MBOAT1: variants seen among roughly 807,000 people sequenced by gnomAD.
MBOAT1 encodes membrane-bound glycerophospholipid O-acyltransferase 1.
Under a neutral mutation model 64.4 loss-of-function variants are expected in MBOAT1, and 67 were observed. That is an observed-to-expected ratio of 1.04 (90% CI 0.85 to 1.27). The LOEUF (loss-of-function observed/expected upper bound fraction) is 1.27, where lower values mean the gene tolerates loss of function less well. Ranked by LOEUF, MBOAT1 falls within the 50% of genes most tolerant of loss-of-function variation. The pLI is 0.00. For synonymous variants in MBOAT1, 229 were observed against 218.9 expected, an observed-to-expected ratio of 1.05 and a Z score of -0.41; for missense variants, 563 against 604.6, an observed-to-expected ratio of 0.93 and a Z score of 0.72.
intron 12 of MBOAT1, among the ~76,000 whole-genome samples, chr6:20,107,876 T>C (rs1760007293): frequency 6.6e-6 from 1 of 151,584 alleles, no homozygotes; most frequent in African/African-American, 2.4e-5. Flanking sequence ...AAGGAGACAA[T>C]TTGGACAGCC....
intron 1 of MBOAT1, among the ~76,000 whole-genome samples, chr6:20,211,713 A>G (rs1448249733): frequency 6.6e-6 from 1 of 152,116 alleles, no homozygotes; most frequent in African/African-American, 2.4e-5. Flanking sequence ...TTCAAAATCT[A>G]TAGACTACCG....
At chr6:20,179,453 T>C (rs543035263) in intron 1 of MBOAT1, among the ~76,000 whole-genome samples, 1 of 152,334 alleles carries the variant, frequency 6.6e-6, no homozygotes, top group South Asian at 2.1e-4. Context: ...TAATGGTTTG[T>C]AGCTCCATCC....
At chr6:20,202,721 C>T (rs1581468203) in intron 1 of MBOAT1, among the ~76,000 whole-genome samples, 1 of 151,892 alleles carries the variant, frequency 6.6e-6, no homozygotes, top group African/African-American at 2.4e-5. Context: ...TAATAAAGCA[C>T]ATTTTTAACC....
At chr6:20,187,936 G>A (rs537521592) in intron 1 of MBOAT1, among the ~76,000 whole-genome samples, 3 of 152,290 alleles carry the variant, frequency 2.0e-5, no homozygotes, top group Non-Finnish European at 2.9e-5. Flanking sequence ...AGGCTGCAGT[G>A]AGCCAAGATT....
chr6:20,142,102 G>A (rs1197495209), intron 4 of MBOAT1, among the ~76,000 whole-genome samples: 1 of 152,056 alleles, frequency 6.6e-6, no homozygotes, highest in African/African-American at 2.4e-5. Flanking sequence ...ATATATACAG[G>A]CAATAGGTAT....
chr6:20,210,407 T>C (rs565149001), intron 1 of MBOAT1, among the ~76,000 whole-genome samples: 1 of 152,306 alleles, frequency 6.6e-6, no homozygotes, highest in East Asian at 1.9e-4. Flanking sequence ...TTGGGGATTT[T>C]CCTTGGGCCT....
intron 1 of MBOAT1, among the ~76,000 whole-genome samples, chr6:20,202,614 T>G (rs1440925817): frequency 6.6e-6 from 1 of 152,186 alleles, no homozygotes; most frequent in East Asian, 1.9e-4. Context: ...GGCTTTTTTT[T>G]TTTTTGGATA....
At chr6:20,114,883 C>CAAA (rs34238970) in intron 10 of MBOAT1, among the ~76,000 whole-genome samples, 6 of 116,174 alleles carry the variant, frequency 5.2e-5, no homozygotes, top group African/African-American at 1.8e-4. Flanking sequence ...AACTCCTTCT[C>CAAA]AAAAAAAAAA....
At chr6:20,168,638 GA>G (rs1292806025) in intron 1 of MBOAT1, among the ~76,000 whole-genome samples, 1,599 of 124,830 alleles carry the variant, frequency 0.013, 74 homozygotes, top group African/African-American at 0.046. Context: ...GAAGAGAAGA[GA>G]AGAGAGGAGA....
chr6:20,172,749 A>G (rs966235920), intron 1 of MBOAT1, among the ~76,000 whole-genome samples: 2 of 152,244 alleles, frequency 1.3e-5, no homozygotes, highest in African/African-American at 4.8e-5. Context: ...GACCATCAAT[A>G]GCATATTTAA....
At chr6:20,127,295 G>A (rs1032549206) in intron 6 of MBOAT1, among the ~76,000 whole-genome samples, 1 of 152,154 alleles carries the variant, frequency 6.6e-6, no homozygotes, top group Non-Finnish European at 1.5e-5. Context: ...TGCTTTAATG[G>A]CATTTTGGAA....
intron 11 of MBOAT1, among the ~76,000 whole-genome samples, chr6:20,112,669 T>C (rs1215197971): frequency 6.6e-6 from 1 of 152,214 alleles, no homozygotes; most frequent in African/African-American, 2.4e-5. Flanking sequence ...GAACATACAA[T>C]GGTTAACCAT....
intron 5 of MBOAT1, among the ~76,000 whole-genome samples, chr6:20,129,001 T>G (rs1760739832): frequency 6.6e-6 from 1 of 152,156 alleles, no homozygotes; most frequent in African/African-American, 2.4e-5. Context: ...TTCTCCTACT[T>G]AAACTGTACA....
At chr6:20,123,423 A>G (rs1760551321) in intron 8 of MBOAT1, among the ~76,000 whole-genome samples, 2 of 152,194 alleles carry the variant, frequency 1.3e-5, no homozygotes, top group African/African-American at 4.8e-5. Flanking sequence ...TCCGTACTTT[A>G]TCAACACCCT....
At position 20,102,413 on chromosome 6, in the gene MBOAT1, C is replaced by G; in HGVS notation, c.1362-1G>C. 1 of 1,596,054 alleles carries G rather than the reference C, an allele frequency of 6.3e-7. No homozygotes were observed. The highest frequency in any genetic ancestry group is 8.5e-7 in the Non-Finnish European group (1 of 1,169,920). On this transcript the variant is annotated splice_acceptor_variant, in intron 12 of 12. Transcript: ENST00000324607. LOFTEE classifies it high-confidence loss of function. ...GATGTGCAAATAAAAGTACATGGAC[C>G]TGGGAATAAAAATATACAAAAATTA... is the stretch of plus-strand genomic sequence containing the variant.
intron 1 of MBOAT1, among the ~76,000 whole-genome samples, chr6:20,186,344 G>T (rs1256740067): frequency 1.3e-5 from 2 of 152,228 alleles, no homozygotes; most frequent in Non-Finnish European, 2.9e-5. Context: ...CTCCAACAAT[G>T]CTTCTGGCAT....
intron 8 of MBOAT1, among the ~76,000 whole-genome samples, chr6:20,120,895 C>G (rs1475682687): frequency 6.6e-6 from 1 of 152,174 alleles, no homozygotes; most frequent in Non-Finnish European, 1.5e-5. Flanking sequence ...AGAGCAGTAA[C>G]AGGCTCTAAG....
intron 1 of MBOAT1, among the ~76,000 whole-genome samples, chr6:20,171,382 TAAAAA>T (rs34821586): frequency 1.1e-4 from 12 of 113,302 alleles, no homozygotes; most frequent in Middle Eastern, 4.3e-3. Flanking sequence ...ACAAAAAACT[TAAAAA>T]AAAAAAAAAA....
chr6:20,122,856 G>C (rs1238313639), intron 8 of MBOAT1, among the ~76,000 whole-genome samples: 1 of 151,906 alleles, frequency 6.6e-6, no homozygotes, highest in South Asian at 2.1e-4. Context: ...TTTTGAGGCA[G>C]AGTCTTGCTC....
Sources: gnomAD v4.1 joint callset for allele counts (sites outside exome capture counted in the v4.1 genomes callset) on GRCh38, gnomAD v4.1.1 for gene constraint, MANE v1.5 for transcripts, NCBI Gene and HGNC (gene_info 2026-07-23, HGNC 2026-07-21) for gene names.